The following HECW1 variants were observed in gnomAD, a reference collection of about 807,000 sequenced individuals.
The protein encoded by HECW1 is E3 ubiquitin-protein ligase HECW1.
HECW1 carries 61 observed loss-of-function variants against 182.3 expected under a neutral mutation model. The observed-to-expected ratio is 0.33, with a 90% CI of 0.27 to 0.41. The LOEUF (loss-of-function observed/expected upper bound fraction) is 0.41, where lower values mean the gene tolerates loss of function less well. HECW1 is among the 10% of genes least tolerant of loss of function. HECW1 has a pLI of 1.00. For synonymous variants in HECW1, 859 were observed against 832.6 expected (o/e 1.03, Z -0.55); for missense variants, 1,739 against 2,108.9 (o/e 0.82, Z 3.44).
At chr7:43,191,209 T>G (rs1793890599) in intron 2 of HECW1, among the ~76,000 whole-genome samples, 2 of 152,232 alleles carry the variant, frequency 1.3e-5, no homozygotes, top group South Asian at 4.1e-4. Context: ...GTGTCCTGTC[T>G]GTCTGCCATA....
At chr7:43,473,799 T>C (rs1354849079) in intron 16 of HECW1, among the ~76,000 whole-genome samples, 2 of 152,170 alleles carry the variant, frequency 1.3e-5, no homozygotes, top group African/African-American at 2.4e-5. Context: ...AATTTTTCTC[T>C]TCCAAAATCC....
At chr7:43,354,858 C>T (rs574282870) in intron 5 of HECW1, among the ~76,000 whole-genome samples, 1 of 152,168 alleles carries the variant, frequency 6.6e-6, no homozygotes, top group South Asian at 2.1e-4. Context: ...TATCCCACAG[C>T]ATATAATAAT....
Position 43,213,439 on chromosome 7 carries a change from ATTTT to A in HECW1, c.-31-30415_-31-30412del, listed in dbSNP as rs35199868. Among the ~76,000 whole-genome samples, 12 of 92,476 alleles carry A rather than the reference ATTTT, an allele frequency of 1.3e-4. No homozygotes were observed. The East Asian group carries it at 1.3e-3, about 10-fold the overall frequency. 60.7% of individuals were successfully genotyped at this position (92,476 alleles called of 152,430 possible). ...ACACTTAGAGCTGGTGATCATAAGAATTTTTTTTTTTTTTTTTTTTTTTTGAGAC... is the reference window on the plus strand; with the variant it reads ...ACACTTAGAGCTGGTGATCATAAGAATTTTTTTTTTTTTTTTTTTTGAGAC... On this transcript the variant is annotated intron_variant, in intron 2 of 29. Transcript: ENST00000395891.
intron 3 of HECW1, among the ~76,000 whole-genome samples, chr7:43,281,841 T>C (rs1371638380): frequency 2.0e-5 from 3 of 151,466 alleles, no homozygotes; most frequent in Non-Finnish European, 4.4e-5. Context: ...GATTTAATAT[T>C]ATGGGTGTGA....
intron 2 of HECW1, among the ~76,000 whole-genome samples, chr7:43,236,107 T>C (rs6960035): frequency 0.32 from 48,603 of 151,994 alleles, 8,669 homozygotes; most frequent in Non-Finnish European, 0.42. Context: ...ACAGTAAATA[T>C]GTTTATATGC....
intron 2 of HECW1, among the ~76,000 whole-genome samples, chr7:43,165,785 C>T (rs769033403): frequency 2.0e-5 from 3 of 152,158 alleles, no homozygotes; most frequent in Non-Finnish European, 2.9e-5. Context: ...GATGCTGTGT[C>T]TCCAGCAGAA....
intron 24 of HECW1, among the ~76,000 whole-genome samples, chr7:43,530,052 C>T (rs371490477): frequency 2.0e-5 from 3 of 151,652 alleles, no homozygotes; most frequent in South Asian, 4.2e-4. Flanking sequence ...CAGGTTCAAG[C>T]GATTCTCCCA....
intron 3 of HECW1, among the ~76,000 whole-genome samples, chr7:43,260,322 G>A (rs1281482669): frequency 6.6e-6 from 1 of 152,058 alleles, no homozygotes; most frequent in Non-Finnish European, 1.5e-5. Context: ...CACTGAGAAG[G>A]GAAGATGTTC....
chr7:43,270,101 T>A (rs1802227600), intron 3 of HECW1, among the ~76,000 whole-genome samples: 1 of 152,236 alleles, frequency 6.6e-6, no homozygotes, highest in Non-Finnish European at 1.5e-5. Context: ...TTACATTCTT[T>A]TGAAATTCTG....
Position 43,562,229 on chromosome 7 carries a change from T to G in HECW1, c.*303T>G. On this transcript the variant is annotated 3_prime_UTR_variant, in exon 30 of 30. Transcript: ENST00000395891. ...TCCATTACTAACAATGAAATATGAA[T>G]GCAAGTTAAGCTACACTTGACCAAA... 6 of 274,638 alleles carry G rather than the reference T, an allele frequency of 2.2e-5. No homozygotes were observed. The highest frequency in any genetic ancestry group is 2.8e-5 in the Non-Finnish European group (4 of 145,408). The allele number at this position is 274,638 out of a possible 1,614,324, so 17.0% of individuals were successfully genotyped here. A position where few individuals can be genotyped will look rare whatever the true frequency, so the allele number is the denominator to read the frequency against.
chr7:43,157,524 C>T (rs1050778730), intron 2 of HECW1, among the ~76,000 whole-genome samples: 2 of 152,128 alleles, frequency 1.3e-5, no homozygotes, highest in Non-Finnish European at 2.9e-5. Flanking sequence ...ATTGTGCTGT[C>T]ACAGGGTTTA....
At chr7:43,367,682 C>A (rs529257120) in intron 6 of HECW1, among the ~76,000 whole-genome samples, 2 of 152,218 alleles carry the variant, frequency 1.3e-5, no homozygotes, top group African/African-American at 4.8e-5. Context: ...TTTAGAATGA[C>A]CTTTTTAAGG....
chr7:43,213,582 A>G (rs531560618), intron 2 of HECW1, among the ~76,000 whole-genome samples: 1 of 151,052 alleles, frequency 6.6e-6, no homozygotes, highest in South Asian at 2.1e-4. Flanking sequence ...AGTAGCTGGG[A>G]CTACAGGCGC....
intron 29 of HECW1, among the ~76,000 whole-genome samples, chr7:43,556,422 C>G (rs746663344): frequency 1.3e-5 from 2 of 152,186 alleles, no homozygotes; most frequent in Non-Finnish European, 2.9e-5. Context: ...CGCAGTGGCT[C>G]ACGCCTGTAA....
chr7:43,341,291 C>A (rs1214546760), intron 5 of HECW1, among the ~76,000 whole-genome samples: 1 of 150,620 alleles, frequency 6.6e-6, no homozygotes, highest in Non-Finnish European at 1.5e-5. Flanking sequence ...CACATGTACC[C>A]TAGAACTTAC....
intron 3 of HECW1, among the ~76,000 whole-genome samples, chr7:43,283,166 T>G (rs372622944): frequency 2.0e-5 from 3 of 152,062 alleles, no homozygotes; most frequent in South Asian, 2.1e-4. Context: ...GGTGTACAGT[T>G]TGGGGACCCC....
At chr7:43,133,836 A>G (rs1787222746) in intron 2 of HECW1, among the ~76,000 whole-genome samples, 1 of 151,892 alleles carries the variant, frequency 6.6e-6, no homozygotes, top group Non-Finnish European at 1.5e-5. Flanking sequence ...AGTGTCTTTT[A>G]CTTTTCTTTT....
chr7:43,391,685 G>T (rs1297470108), intron 6 of HECW1, among the ~76,000 whole-genome samples: 1 of 152,150 alleles, frequency 6.6e-6, no homozygotes, highest in African/African-American at 2.4e-5. Flanking sequence ...AGGTCTTTCT[G>T]TTGGAGAACT....
At chr7:43,395,189 C>G (rs2075186398) in intron 6 of HECW1, among the ~76,000 whole-genome samples, 2 of 152,132 alleles carry the variant, frequency 1.3e-5, no homozygotes, top group Non-Finnish European at 2.9e-5. Context: ...AATCTTGCAG[C>G]TAACGTTAGT....
Sources: gnomAD v4.1 joint callset for allele counts (sites outside exome capture counted in the v4.1 genomes callset) on GRCh38, gnomAD v4.1.1 for gene constraint, MANE v1.5 for transcripts, NCBI Gene and HGNC (gene_info 2026-07-23, HGNC 2026-07-21) for gene names.